Variants in FLT4 observed in about 807,000 individuals in gnomAD.
FLT4 encodes the protein fms related receptor tyrosine kinase 4.
FLT4 carries 30 observed loss-of-function variants against 163.2 expected under a neutral mutation model. The ratio of observed to expected loss-of-function variants is 0.18; its 90% confidence interval spans 0.14 to 0.25. The LOEUF is 0.25. Among genes scored for constraint, FLT4 ranks in the 10% least tolerant of loss-of-function variants. FLT4 has a pLI of 1.00. For synonymous variants in FLT4, 884 were observed against 789.5 expected, an observed-to-expected ratio of 1.12 and a Z score of -2.01; for missense variants, 1,510 against 1,863.8, an observed-to-expected ratio of 0.81 and a Z score of 3.50.
chr5:180,631,963 G>A lies in FLT4; in HGVS notation c.59-185C>T, dbSNP rs2290983. On this transcript the variant is annotated intron_variant, in intron 1 of 29. Coordinates refer to ENST00000261937, the MANE Select transcript of FLT4 (RefSeq NM_182925.5). The stretch of plus-strand genomic sequence containing the variant: ...CCGTGAGCAGCACCAGCTCCCAGGC[G>A]CCAAGACAGCCACGAACCTCTCCCA... Among the ~76,000 whole-genome samples the A allele has an allele frequency of 0.54, 82,728 of 151,898 alleles. 23,110 individuals carry two copies. Among genetic ancestry groups the A allele is most frequent in the Admixed American group, 0.61 (9,344 of 15,276 alleles).
chr5:180,627,627 G>C (rs1763733514), intron 8 of FLT4, among the ~76,000 whole-genome samples: 1 of 152,216 alleles, frequency 6.6e-6, no homozygotes, highest in African/African-American at 2.4e-5. Flanking sequence ...CCACAGGAAG[G>C]GTGGGTGGCT....
rs771222400 is a variant in FLT4, at chr5:180,619,357, G to A, written c.2657C>T (p.Thr886Met). The change falls in exon 19 of 30, where the codon ACG (threonine) becomes ATG (methionine). Residue 886 changes from threonine (T) to methionine (M), a missense_variant. Physicochemically the swap from Thr to Met is moderately conservative, Grantham distance 81. Around this residue, in one of 5 missense-constraint regions of FLT4, gnomAD observed 878 missense variants for 1,016.7 expected, o/e 0.86. Transcript: ENST00000261937. Reference sequence around the variant, plus strand: ...CATCAGCGCGCGGTGCTCGCTGGCCGTGGCGCCCTCTGGAGGGGACACGGG... The same window carrying A: ...CATCAGCGCGCGGTGCTCGCTGGCCATGGCGCCCTCTGGAGGGGACACGGG... ...VAVKMLKEGA[T>M]ASEHRALMSE... 1.9e-6 allele frequency: 3 copies of A among 1,608,986 alleles called. No homozygotes were observed. Among genetic ancestry groups the A allele is most frequent in the East Asian group, 2.2e-5 (1 of 44,822 alleles).
Position 180,603,307 on chromosome 5 carries a change from GC to G in FLT4, c.3976del (p.Ala1326ProfsTer30). The G allele has an allele frequency of 6.2e-7, 1 of 1,613,910 alleles. No individual in the cohort carries two copies. Among genetic ancestry groups the G allele is most frequent in the Non-Finnish European group, 8.5e-7 (1 of 1,179,942 alleles). ...GTTGTAAAACACCTGGCCTCCTCGG[GC>G]CCCCCGCTCAGGCCGCCGCCGCCTC... ...QGRRRRPERG[A>X]RGGQVFYNSE... On this transcript the variant is annotated frameshift_variant, in exon 30 of 30. Transcript: ENST00000261937. LOFTEE classifies it low-confidence loss of function (END_TRUNC).
rs744282 is a variant in FLT4, at chr5:180,611,452, G to T, written c.3565C>A (p.Arg1189Ser). The change falls in exon 27 of 30, where the codon CGC becomes AGC. Residue 1189 changes from arginine to serine, a missense_variant. By Grantham distance (110) the Arg-to-Ser change is moderately radical. Transcript: ENST00000261937. ...QEEEEVCMAP[R>S]SSQSSEEGSF... ...CCCTCTTCTGAGCTCTGAGAGCTGC[G>T]CGGGGCCATGCAGACCTCCTCTTCC... is the stretch of plus-strand genomic sequence containing the variant. 1.2e-6 allele frequency: 2 copies of T among 1,613,932 alleles called. No individual in the cohort carries two copies. The highest frequency in any genetic ancestry group is 8.5e-7 in the Non-Finnish European group (1 of 1,179,958).
intron 1 of FLT4, among the ~76,000 whole-genome samples, chr5:180,632,459 G>A (rs1764257184): frequency 6.6e-6 from 1 of 152,122 alleles, no homozygotes; most frequent in Non-Finnish European, 1.5e-5. Context: ...TTCTCACAGG[G>A]CTCTTCCTCA....
upstream of FLT4, among the ~76,000 whole-genome samples, chr5:180,650,145 G>C (rs1158239211): frequency 7.9e-6 from 1 of 126,876 alleles, no homozygotes; most frequent in Non-Finnish European, 1.6e-5. Context: ...CCGAGATCGC[G>C]CCACTGCACT....
chr5:180,603,903 TAAAA>T (rs3053717), intron 29 of FLT4, among the ~76,000 whole-genome samples: 1 of 142,784 alleles, frequency 7.0e-6, no homozygotes, highest in Admixed American at 6.9e-5. Context: ...GACTCCATCT[TAAAA>T]AAAAAAAAAA....
In FLT4 at chr5:180,603,296, G is replaced by C. The variant is rs762359092; in HGVS notation, c.3988C>G (p.Gln1330Glu). The C allele has an allele frequency of 1.9e-5, 30 of 1,613,798 alleles. No homozygotes were observed. In the Admixed American group the frequency reaches 3.8e-4, roughly 21 times the overall value. Residue 1330 changes from glutamine (Q) to glutamate (E), a missense_variant, in exon 30 of 30, where the codon CAG becomes GAG. Around this residue, in one of 5 missense-constraint regions of FLT4, gnomAD observed 295 missense variants for 311.0 expected, o/e 0.95. Coordinates refer to ENST00000261937, the MANE Select transcript of FLT4 (RefSeq NM_182925.5). Reference sequence around the variant, plus strand: ...CCATACTCGCTGTTGTAAAACACCTGGCCTCCTCGGGCCCCCCGCTCAGGC... The same window carrying C: ...CCATACTCGCTGTTGTAAAACACCTCGCCTCCTCGGGCCCCCCGCTCAGGC... Reference protein sequence around the residue: ...RRPERGARGGQVFYNSEYGEL... With the variant: ...RRPERGARGGEVFYNSEYGEL...
rs1323658149 is a variant in FLT4 at position 180,625,991 on chromosome 5, G to A, written c.1299C>T (p.Ser433=). ...CCTGGCGGCTGTGACGCGAGTAGAT[G>A]CTGGGGGAGGAGGCCTCCTTCTCAT... ...QIHEKEASSP[S]IYSRHSRQAL... is the part of the protein sequence containing the mutation. Residue 433 remains serine, a synonymous_variant, in exon 10 of 30, where the codon AGC becomes AGT. Coordinates refer to ENST00000261937, the MANE Select transcript of FLT4 (RefSeq NM_182925.5). The A allele has an allele frequency of 6.2e-7, 1 of 1,612,736 alleles. No homozygotes were observed. Among genetic ancestry groups the A allele is most frequent in the Admixed American group, 1.7e-5 (1 of 60,020 alleles).
chr5:180,643,073 C>G (rs1765242349), intron 1 of FLT4, among the ~76,000 whole-genome samples: 1 of 152,256 alleles, frequency 6.6e-6, no homozygotes, highest in Admixed American at 6.5e-5. Flanking sequence ...AGGGAAGCTA[C>G]TATTCATTCT....
At chr5:180,625,831 T>C in intron 10 of FLT4, 38 bp downstream of exon 10, 2 of 1,598,584 alleles carry the variant, frequency 1.3e-6, no homozygotes, top group African/African-American at 2.7e-5. Flanking sequence ...CTGGGGGCTG[T>C]GGCTGTGCAG....
chr5:180,603,490 T>C (rs1187308817), intron 29 of FLT4, 100 bp from the exon 30 acceptor site: 4 of 1,073,748 alleles, frequency 3.7e-6, no homozygotes, highest in Non-Finnish European at 5.6e-6. Context: ...GGCAGGCGGA[T>C]GGCTTCAGGC....
chr5:180,619,426 C>CTGGCCGCTTAGCTAAGGCTCAG (rs70973949), intron 18 of FLT4, 60 bp from the exon 19 acceptor site: 1 of 1,385,252 alleles, frequency 7.2e-7, no homozygotes, highest in African/African-American at 1.4e-5. Flanking sequence ...TTCCCCGCCA[C>CTGGCCGCTTAGCTAAGGCTCAG]CCGGCGCTTT....
chr5:180,622,859 A>G lies in FLT4; in HGVS notation c.1549-20T>C. On this transcript the variant is annotated intron_variant, in intron 11 of 29. Coordinates refer to ENST00000261937, the MANE Select transcript of FLT4 (RefSeq NM_182925.5). The stretch of plus-strand genomic sequence containing the variant: ...CACAGTCTGGGAGAGCACAGGCACA[A>G]GGATCCATTTCCTGCCCAAGTTCTC... The G allele has an allele frequency of 1.3e-6, 2 of 1,563,936 alleles. No homozygotes were observed. The highest frequency in any genetic ancestry group is 8.8e-7 in the Non-Finnish European group (1 of 1,135,348).
chr5:180,627,605 G>A (rs1763729792), intron 8 of FLT4, among the ~76,000 whole-genome samples: 1 of 152,202 alleles, frequency 6.6e-6, no homozygotes, highest in African/African-American at 2.4e-5. Context: ...GGTGCCATAG[G>A]AAGGGTGGGC....
At position 180,645,335 on chromosome 5, in the gene FLT4, C is replaced by T. The variant is rs548584239; in HGVS notation, c.58+4153G>A. On this transcript the variant is annotated intron_variant, in intron 1 of 29. Coordinates refer to ENST00000261937, the MANE Select transcript of FLT4 (RefSeq NM_182925.5). ...AGATGCTAAGCTCCCAGCACACGGC[C>T]GCCGTGGGGCAGCCAGCTATGCCAG... Among the ~76,000 whole-genome samples the T allele has an allele frequency of 1.2e-4, 19 of 152,326 alleles. 1 individual carries two copies. The highest frequency in any genetic ancestry group is 4.1e-4 in the African/African-American group (17 of 41,564).
intron 29 of FLT4, chr5:180,608,422 A>G (rs1033444312): frequency 5.8e-6 from 4 of 687,078 alleles, no homozygotes; most frequent in African/African-American, 5.3e-5. Context: ...CGGGGCCACT[A>G]CCGGTCTCCA....
chr5:180,604,651 T>G (rs1418795187), intron 29 of FLT4, among the ~76,000 whole-genome samples: 2 of 152,242 alleles, frequency 1.3e-5, no homozygotes, highest in African/African-American at 2.4e-5. Context: ...TGCCCTATCA[T>G]GCACCATCCT....
At chr5:180,626,815 A>T (rs1299398331) in intron 8 of FLT4, among the ~76,000 whole-genome samples, 1 of 152,032 alleles carries the variant, frequency 6.6e-6, no homozygotes, top group East Asian at 1.9e-4. Flanking sequence ...TGCTGCCCAC[A>T]CCCCGCCCCC....
Sources: allele counts gnomAD v4.1 joint callset (sites outside exome capture counted in the v4.1 genomes callset), GRCh38; gene constraint gnomAD v4.1.1; regional missense constraint gnomAD v4.1.1; transcripts MANE v1.5; gene names NCBI Gene and HGNC (gene_info 2026-07-23, HGNC 2026-07-21).